Variants in RADIL observed in about 807,000 individuals in gnomAD.
RADIL encodes Rap associating with DIL domain.
In RADIL, 99 loss-of-function variants were observed where a neutral mutation model predicts 97.6. The observed-to-expected ratio is 1.01, with a 90% CI of 0.86 to 1.20. The LOEUF is 1.20. Ranked by LOEUF, RADIL falls within the 50% of genes most tolerant of loss-of-function variation. The pLI, the probability that RADIL is intolerant of heterozygous loss-of-function variation, is 0.00. For synonymous variants in RADIL, 803 were observed against 691.8 expected, an observed-to-expected ratio of 1.16 and a Z score of -2.52; for missense variants, 1,765 against 1,498.9, an observed-to-expected ratio of 1.18 and a Z score of -2.93.
rs1414318753 is a variant in RADIL, at chr7:4,801,847, C to T, written c.2648G>A (p.Arg883Lys). 1 of 1,599,446 alleles carries T rather than the reference C, an allele frequency of 6.3e-7. No individual in the cohort carries two copies. The highest frequency in any genetic ancestry group is 1.1e-5 in the South Asian group (1 of 89,132). The change falls in exon 12 of 15, where the codon AGG (arginine) becomes AAG (lysine). Residue 883 changes from arginine to lysine, a missense_variant. Transcript: ENST00000399583. ...CTGGGAGCCCCCACGGCTGGGTTGC[C>T]TTCCAGGGGGGGCCTGTGCCCAGGG... ...GAPWAQAPPGRQPSRGGSQAG... is the reference protein window; with the variant it reads ...GAPWAQAPPGKQPSRGGSQAG...
rs779260632 is a variant in RADIL, at chr7:4,799,526, G to A, written c.3123-43C>T. On this transcript the variant is annotated intron_variant, in intron 14 of 14. Coordinates refer to ENST00000399583, the MANE Select transcript of RADIL (RefSeq NM_018059.5). Reference sequence around the variant, plus strand: ...GGTGGGGGTGGGCAGGAGGGCACCAGGGGAGACCCACAGGGTGCAGCCGGG... The same window carrying A: ...GGTGGGGGTGGGCAGGAGGGCACCAAGGGAGACCCACAGGGTGCAGCCGGG... 12 of 1,612,628 alleles carry A rather than the reference G, an allele frequency of 7.4e-6. No individual in the cohort carries two copies. In the East Asian group the frequency reaches 2.5e-4, roughly 33 times the overall value.
intron 9 of RADIL, among the ~76,000 whole-genome samples, chr7:4,812,676 C>T (rs778919173): frequency 7.2e-5 from 11 of 152,186 alleles, no homozygotes; most frequent in African/African-American, 2.7e-4. Flanking sequence ...CCTGCCTCAG[C>T]CTCCCAAAGT....
chr7:4,836,943 C>CA lies in RADIL; in HGVS notation c.536-339dup, dbSNP rs970159692. Among the ~76,000 whole-genome samples, 7 of 151,292 alleles carry CA rather than the reference C, an allele frequency of 4.6e-5. No homozygotes were observed. The East Asian group carries it at 5.8e-4, about 13-fold the overall frequency. ...ACAAGAGCGAAACTCCATCCCCCGC[C>CA]AAAAAAAACAGGTAAGTCTAATAGC... On this transcript the variant is annotated intron_variant, in intron 2 of 14. Transcript: ENST00000399583.
At chr7:4,803,983 A>G in intron 10 of RADIL, 1 of 619,938 alleles carries the variant, frequency 1.6e-6, no homozygotes, top group Non-Finnish European at 3.0e-6. Context: ...GCAGTTCAGG[A>G]CTGAGAACAA....
intron 2 of RADIL, among the ~76,000 whole-genome samples, chr7:4,857,416 T>G (rs6948156): frequency 1.3e-5 from 2 of 152,328 alleles, no homozygotes; most frequent in South Asian, 4.1e-4. Context: ...ATCAGGAAGT[T>G]TGGTCCATTT....
chr7:4,822,250 A>G lies in RADIL; in HGVS notation c.1615+144T>C. ...CAGGCCGTCCCCGAGCAACTGACAC[A>G]TGGCAGCCTAGGGACTGAGGAAGCC... On this transcript the variant is annotated intron_variant, in intron 6 of 14. Coordinates refer to ENST00000399583, the MANE Select transcript of RADIL (RefSeq NM_018059.5). This position sits in a 1 kb window ranked among gnomAD's most constrained non-coding sequence, Gnocchi z 5.3. 1 of 1,097,096 alleles carries G rather than the reference A, an allele frequency of 9.1e-7. No individual in the cohort carries two copies. The highest frequency in any genetic ancestry group is 1.7e-5 in the South Asian group (1 of 60,086). 68.0% of individuals were successfully genotyped at this position (1,097,096 alleles called of 1,614,324 possible).
At chr7:4,862,002 GA>G (rs1161116106) in intron 2 of RADIL, 8 of 439,898 alleles carry the variant, frequency 1.8e-5, no homozygotes, top group Non-Finnish European at 2.8e-5. Flanking sequence ...CATGGCGCCA[GA>G]CCCCTCAGCG....
Position 4,799,711 on chromosome 7 carries a change from G to A in RADIL, c.3041C>T (p.Ala1014Val). 1 of 1,571,010 alleles carries A rather than the reference G, an allele frequency of 6.4e-7. No individual in the cohort carries two copies. Among genetic ancestry groups the A allele is most frequent in the East Asian group, 2.3e-5 (1 of 42,842 alleles). ...CAGCGACAGGCGCCCGTCGGCCGCT[G>A]CGGGGCTGCCCGGGAGCAGGGTCTG... The part of the protein sequence containing the change: ...YIQTLLPGSP[A>V]AADGRLSLGD... The change falls in exon 14 of 15, where the codon GCA (alanine) becomes GTA (valine). Residue 1014 changes from alanine (A) to valine (V), a missense_variant. Transcript: ENST00000399583.
At chr7:4,853,104 AT>A (rs1161887838) in intron 2 of RADIL, among the ~76,000 whole-genome samples, 1 of 152,150 alleles carries the variant, frequency 6.6e-6, no homozygotes, top group Non-Finnish European at 1.5e-5. Flanking sequence ...GGGTGAGTGT[AT>A]TTTGCATGTG....
chr7:4,805,808 C>G (rs758254854), intron 9 of RADIL, 92 bp from the exon 10 acceptor site: 11 of 1,497,720 alleles, frequency 7.3e-6, no homozygotes, highest in Non-Finnish European at 9.8e-6. Flanking sequence ...CTGGGGGTAG[C>G]CAGCTGAGGG....
chr7:4,820,569 A>G (rs1782803059), intron 6 of RADIL, among the ~76,000 whole-genome samples: 1 of 152,184 alleles, frequency 6.6e-6, no homozygotes, highest in Non-Finnish European at 1.5e-5. Flanking sequence ...CCCGATTCCC[A>G]GGACTGGGGA....
At position 4,798,555 on chromosome 7, in the gene RADIL, G is replaced by A. The variant is rs993676724; in HGVS notation, c.*823C>T. On this transcript the variant is annotated 3_prime_UTR_variant, in exon 15 of 15. Transcript: ENST00000399583. ...ACGCTGTCACCCCGAGGCAGCAAGT[G>A]CCCTGCCCTGGTCCTGCGCATGGTC... 3 of 152,756 alleles carry A rather than the reference G, an allele frequency of 2.0e-5. No individual in the cohort carries two copies. Among genetic ancestry groups the A allele is most frequent in the Admixed American group, 6.5e-5 (1 of 15,292 alleles). 9.5% of individuals were successfully genotyped at this position (152,756 alleles called of 1,614,324 possible). A position where few individuals can be genotyped will look rare whatever the true frequency, so the allele number is the denominator to read the frequency against.
rs762453564 is a variant in RADIL at position 4,799,349 on chromosome 7, G to T, written c.*29C>A. ...GTGTCACCAGGTGGGACCGGGTGCCGGGCCTGTGGGGGTGTCCTCGCAGCC... is the reference window on the plus strand; with the variant it reads ...GTGTCACCAGGTGGGACCGGGTGCCTGGCCTGTGGGGGTGTCCTCGCAGCC... On this transcript the variant is annotated 3_prime_UTR_variant, in exon 15 of 15. Coordinates refer to ENST00000399583, the MANE Select transcript of RADIL (RefSeq NM_018059.5). 4 of 1,607,148 alleles carry T rather than the reference G, an allele frequency of 2.5e-6. No individual in the cohort carries two copies. Among genetic ancestry groups the T allele is most frequent in the Non-Finnish European group, 3.4e-6 (4 of 1,174,546 alleles).
In RADIL at chr7:4,800,263, G is replaced by T. The variant is rs200704658; in HGVS notation, c.2890C>A (p.Arg964Ser). ...CAGAAGTCCTCGGTGCTGGAGCTGC[G>T]GCTGGACGGGGCTGGAGGGGACTCC... ...AEESPPAPSS[R>S]SSSTEDFCYV... The change falls in exon 13 of 15, where the codon CGC (arginine) becomes AGC (serine). Residue 964 changes from arginine to serine, a missense_variant. Arg to Ser is a moderately radical substitution (Grantham distance 110). Transcript: ENST00000399583. 23 of 1,538,254 alleles carry T rather than the reference G, an allele frequency of 1.5e-5. No homozygotes were observed. The highest frequency in any genetic ancestry group is 1.7e-4 in the Middle Eastern group (1 of 5,772).
chr7:4,827,887 G>A (rs1210830177), intron 5 of RADIL, among the ~76,000 whole-genome samples: 1 of 151,070 alleles, frequency 6.6e-6, no homozygotes, highest in Non-Finnish European at 1.5e-5. Flanking sequence ...ATCAGACAAG[G>A]ACAGTGCAAA....
intron 9 of RADIL, among the ~76,000 whole-genome samples, chr7:4,807,470 CCT>C (rs1782349646): frequency 6.6e-6 from 1 of 151,634 alleles, no homozygotes; most frequent in Non-Finnish European, 1.5e-5. Flanking sequence ...CTCCTTCTTC[CCT>C]CTCCTTCTCC....
At chr7:4,857,369 G>A (rs1783858603) in intron 2 of RADIL, among the ~76,000 whole-genome samples, 1 of 152,130 alleles carries the variant, frequency 6.6e-6, no homozygotes, top group African/African-American at 2.4e-5. Flanking sequence ...GTTGGACTTG[G>A]TTTTCCCGTG....
At chr7:4,857,010 C>T (rs1369818628) in intron 2 of RADIL, among the ~76,000 whole-genome samples, 4 of 152,190 alleles carry the variant, frequency 2.6e-5, no homozygotes, top group African/African-American at 9.6e-5. Context: ...GCCACTACAC[C>T]GGACTGTGTT....
intron 2 of RADIL, among the ~76,000 whole-genome samples, chr7:4,843,799 C>G (rs1349634622): frequency 6.6e-6 from 1 of 151,652 alleles, no homozygotes; most frequent in Non-Finnish European, 1.5e-5. Flanking sequence ...GTAATCCCAG[C>G]TACTCGGGAG....
Sources: gnomAD v4.1 joint callset for allele counts (sites outside exome capture counted in the v4.1 genomes callset) on GRCh38, gnomAD v4.1.1 for gene constraint, Gnocchi (gnomAD v3.1) non-coding constraint, MANE v1.5 for transcripts, NCBI Gene and HGNC (gene_info 2026-07-23, HGNC 2026-07-21) for gene names.